CORO2B: variants seen among roughly 807,000 people sequenced by gnomAD.
The protein encoded by CORO2B is coronin 2B, also known as coronin-2B.
CORO2B carries 26 observed loss-of-function variants against 58.8 expected under a neutral mutation model. The ratio of observed to expected loss-of-function variants is 0.44; its 90% CI spans 0.32 to 0.61. CORO2B has a LOEUF of 0.61. Among genes scored for constraint, CORO2B ranks in the 20% least tolerant of loss-of-function variants. The probability of loss-of-function intolerance (pLI) is 0.04; values close to 1 mark genes in which losing one functional copy is unlikely to be tolerated. For missense variants in CORO2B, 460 were observed against 645.1 expected (o/e 0.71, Z 3.11); for synonymous variants, 242 against 253.8 (o/e 0.95, Z 0.44).
At chr15:68,541,432 T>A in the CORO2B span, among the ~76,000 whole-genome samples, 2 of 152,168 alleles carry the variant, frequency 1.3e-5, no homozygotes, top group African/African-American at 4.8e-5. Context: ...AAATGCTATA[T>A]GAACAAAGGC....
chr15:68,678,806 CCCAAACT>C (rs1214404148), intron 2 of CORO2B, among the ~76,000 whole-genome samples: 1 of 152,250 alleles, frequency 6.6e-6, no homozygotes, highest in African/African-American at 2.4e-5. Flanking sequence ...GCACCACACA[CCCAAACT>C]CCAGCCTTCA....
intron 2 of CORO2B, among the ~76,000 whole-genome samples, chr15:68,652,200 A>G (rs957225212): frequency 2.0e-5 from 3 of 152,202 alleles, no homozygotes; most frequent in African/African-American, 7.2e-5. Context: ...TGTCTTCCCC[A>G]GGTCTCTTAT....
At chr15:68,554,661 G>A in the CORO2B span, among the ~76,000 whole-genome samples, 3 of 152,166 alleles carry the variant, frequency 2.0e-5, no homozygotes, top group Non-Finnish European at 4.4e-5. Flanking sequence ...CACATCATTG[G>A]TTTAATCTCA....
intron 3 of CORO2B, among the ~76,000 whole-genome samples, chr15:68,706,965 G>A (rs1285531730): frequency 1.3e-5 from 2 of 152,036 alleles, no homozygotes; most frequent in East Asian, 3.9e-4. Context: ...CTCCCACCTA[G>A]GCTTCTTTTT....
rs374173966 is a variant in CORO2B, at chr15:68,715,285, G to A, written c.941G>A (p.Arg314His). 22 of 1,613,768 alleles carry A rather than the reference G, an allele frequency of 1.4e-5. No individual in the cohort carries two copies. Among genetic ancestry groups the A allele is most frequent in the East Asian group, 4.5e-5 (2 of 44,888 alleles). Residue 314 changes from arginine to histidine, a missense_variant, in exon 8 of 12, where the codon CGC becomes CAC. By Grantham distance (29) the Arg-to-His change is conservative. Coordinates refer to ENST00000261861, the MANE Select transcript of CORO2B (RefSeq NM_006091.5). ...TACCTGAGTTACCTCATGGAGTTCC[G>A]CTCCCCAGCCCCGCAGAAAGGCCTA... Reference protein sequence around the residue: ...KPYLSYLMEFRSPAPQKGLGV... With the variant: ...KPYLSYLMEFHSPAPQKGLGV...
rs1892902791 is a variant in CORO2B, at chr15:68,710,975, A to T, written c.483+94A>T. 1 of 1,337,158 alleles carries T rather than the reference A, an allele frequency of 7.5e-7. No individual in the cohort carries two copies. Among genetic ancestry groups the T allele is most frequent in the Non-Finnish European group, 1.0e-6 (1 of 995,508 alleles). 82.8% of individuals were successfully genotyped at this position (1,337,158 alleles called of 1,614,324 possible). ...AGGAAGCACTGTTGCTTCCTAAGCA[A>T]CCAATATGGCCTCATCTGTTCATTT... On this transcript the variant is annotated intron_variant, in intron 4 of 11. Transcript: ENST00000261861. This position sits in a 1 kb window ranked among gnomAD's most constrained non-coding sequence, Gnocchi z 4.1.
chr15:68,676,158 G>A (rs899278817), intron 2 of CORO2B, among the ~76,000 whole-genome samples: 1 of 152,220 alleles, frequency 6.6e-6, no homozygotes, highest in African/African-American at 2.4e-5. Flanking sequence ...CAAGGGCACA[G>A]TGTGGGCAGA....
At chr15:68,631,521 G>A (rs1900828401) in intron 1 of CORO2B, among the ~76,000 whole-genome samples, 1 of 152,146 alleles carries the variant, frequency 6.6e-6, no homozygotes, top group Non-Finnish European at 1.5e-5. Context: ...GCCCACTTTG[G>A]AACAGTGTCC....
intron 11 of CORO2B, among the ~76,000 whole-genome samples, chr15:68,723,463 G>C (rs1206719163): frequency 6.7e-6 from 1 of 149,860 alleles, no homozygotes; most frequent in African/African-American, 2.5e-5. Flanking sequence ...GTTTTGTTTT[G>C]TTTTGTTTTG....
intron 1 of CORO2B, among the ~76,000 whole-genome samples, chr15:68,625,660 AGTG>A (rs1317767710): frequency 3.3e-5 from 5 of 152,004 alleles, no homozygotes; most frequent in Non-Finnish European, 2.9e-5. Flanking sequence ...GCTAGAGTGC[AGTG>A]GTATGAACAC....
At chr15:68,708,491 G>T (rs1167071674) in intron 3 of CORO2B, among the ~76,000 whole-genome samples, 1 of 151,540 alleles carries the variant, frequency 6.6e-6, no homozygotes, top group Non-Finnish European at 1.5e-5. Context: ...AGCCCAAGTG[G>T]CTGGGACTAC....
intron 2 of CORO2B, among the ~76,000 whole-genome samples, chr15:68,690,453 A>G (rs1892329310): frequency 6.6e-6 from 1 of 152,186 alleles, no homozygotes; most frequent in Non-Finnish European, 1.5e-5. Flanking sequence ...CCTATTATGG[A>G]AAATGAGGCT....
chr15:68,519,988 A>T, the CORO2B span, among the ~76,000 whole-genome samples: 2 of 152,234 alleles, frequency 1.3e-5, no homozygotes, highest in African/African-American at 4.8e-5. Context: ...ATAGCATTCA[A>T]TCCAAACTAT....
At chr15:68,693,610 G>T (rs1467891508) in intron 2 of CORO2B, among the ~76,000 whole-genome samples, 1 of 152,118 alleles carries the variant, frequency 6.6e-6, no homozygotes, top group East Asian at 1.9e-4. Context: ...TGCCACCTTT[G>T]TAGCCGCTAA....
intron 2 of CORO2B, among the ~76,000 whole-genome samples, chr15:68,654,514 G>A (rs553725273): frequency 6.6e-6 from 1 of 152,342 alleles, no homozygotes; most frequent in East Asian, 1.9e-4. Flanking sequence ...GCATCTGGCA[G>A]TCTGCTTGAT....
chr15:68,564,659 G>A, the CORO2B span, among the ~76,000 whole-genome samples: 81,952 of 151,870 alleles, frequency 0.54, 22,397 homozygotes, highest in East Asian at 0.79. Flanking sequence ...GTATCTTAGC[G>A]GATTCAAAAT....
intron 1 of CORO2B, among the ~76,000 whole-genome samples, chr15:68,624,019 G>A (rs1900605086): frequency 6.6e-6 from 1 of 152,196 alleles, no homozygotes; most frequent in Non-Finnish European, 1.5e-5. Context: ...ACTGGGTGAT[G>A]GAAAGAGACT....
Position 68,727,615 on chromosome 15 carries a change from A to G in CORO2B, c.*1641A>G, listed in dbSNP as rs918289777. The G allele has an allele frequency of 6.6e-6, 1 of 152,398 alleles. No homozygotes were observed. The allele number at this position is 152,398 out of a possible 1,614,324, so 9.4% of individuals were successfully genotyped here. A position where few individuals can be genotyped will look rare whatever the true frequency, so the allele number is the denominator to read the frequency against. ...CTGGGCCTTTCCTTTATGAACCTCC[A>G]TCCTCCCAGCCAGCTACAGTAGGGC... On this transcript the variant is annotated 3_prime_UTR_variant, in exon 12 of 12. Coordinates refer to ENST00000261861, the MANE Select transcript of CORO2B (RefSeq NM_006091.5).
chr15:68,564,434 G>A, the CORO2B span, among the ~76,000 whole-genome samples: 10 of 152,024 alleles, frequency 6.6e-5, no homozygotes, highest in African/African-American at 2.2e-4. Flanking sequence ...CTCTCGAGTA[G>A]CTGGGACTAC....
Sources: gnomAD v4.1 joint callset for allele counts (sites outside exome capture counted in the v4.1 genomes callset) on GRCh38, gnomAD v4.1.1 for gene constraint, Gnocchi (gnomAD v3.1) non-coding constraint, MANE v1.5 for transcripts, NCBI Gene and HGNC (gene_info 2026-07-23, HGNC 2026-07-21) for gene names.